METTL4: variants seen among roughly 807,000 people sequenced by gnomAD.
The protein encoded by METTL4 is methyltransferase 4, N6-adenosine.
METTL4 carries 40 observed loss-of-function variants against 54.0 expected under a neutral mutation model. The ratio of observed to expected loss-of-function variants is 0.74; its 90% CI spans 0.58 to 0.96. The LOEUF is 0.96. Ranked by LOEUF, METTL4 falls within the 50% of genes least tolerant of loss-of-function variation. The probability of loss-of-function intolerance (pLI) is 0.00; values close to 1 mark genes in which losing one functional copy is unlikely to be tolerated. For missense variants in METTL4, 525 were observed against 549.0 expected, an observed-to-expected ratio of 0.96 and a Z score of 0.44; for synonymous variants, 169 against 183.8, an observed-to-expected ratio of 0.92 and a Z score of 0.65.
At chr18:2,556,111 G>A (rs73376287) in intron 3 of METTL4, among the ~76,000 whole-genome samples, 9,412 of 152,100 alleles carry the variant, frequency 0.062, 521 homozygotes, top group African/African-American at 0.15. Flanking sequence ...GCCGAGTCAC[G>A]ATCAACACAT....
At chr18:2,551,159 G>A (rs1443370722) in intron 5 of METTL4, among the ~76,000 whole-genome samples, 42 of 103,724 alleles carry the variant, frequency 4.0e-4, no homozygotes, top group African/African-American at 1.2e-3. Flanking sequence ...ACGAGACTCC[G>A]TCTCAAAAAA....
chr18:2,541,745 T>TAAA (rs11434085), intron 8 of METTL4, among the ~76,000 whole-genome samples: 1 of 148,368 alleles, frequency 6.7e-6, no homozygotes, highest in Non-Finnish European at 1.5e-5. Context: ...CAATTAAACT[T>TAAA]AAAAAAAAAA....
intron 2 of METTL4, among the ~76,000 whole-genome samples, chr18:2,565,524 AAAG>A (rs1166511699): frequency 7.9e-5 from 12 of 152,346 alleles, no homozygotes; most frequent in Admixed American, 3.3e-4. Flanking sequence ...AAATTAAAAA[AAAG>A]AAGAATATGC....
chr18:2,546,270 T>C (rs1218568523), intron 6 of METTL4, among the ~76,000 whole-genome samples: 6 of 152,138 alleles, frequency 3.9e-5, no homozygotes, highest in African/African-American at 1.2e-4. Flanking sequence ...GTAAGTACAG[T>C]ACAGTAAAAT....
chr18:2,569,945 T>G (rs1043269934), intron 1 of METTL4, among the ~76,000 whole-genome samples: 2 of 152,210 alleles, frequency 1.3e-5, no homozygotes, highest in African/African-American at 4.8e-5. Flanking sequence ...TCTGCTGTTA[T>G]CATCAGCCTT....
rs114387434 is a variant in METTL4, at chr18:2,562,814, G to A, written c.459+983C>T. On this transcript the variant is annotated intron_variant, in intron 3 of 8. Coordinates refer to ENST00000574538, the MANE Select transcript of METTL4 (RefSeq NM_022840.5). ...TAAATAATGGTAGAGTTCCAGTTTG[G>A]GATGATGAAAAAGTACTAGAGATGA... 8.5e-3 allele frequency among the ~76,000 whole-genome samples: 1,291 copies of A among 152,120 alleles called. 24 individuals are homozygous for A. Among genetic ancestry groups the A allele is most frequent in the African/African-American group, 0.03 (1,234 of 41,500 alleles).
At chr18:2,557,672 T>C (rs1242160894) in intron 3 of METTL4, among the ~76,000 whole-genome samples, 1 of 152,172 alleles carries the variant, frequency 6.6e-6, no homozygotes, top group Non-Finnish European at 1.5e-5. Context: ...GCTGCATGCA[T>C]AGGAAACCCA....
chr18:2,541,022 G>A (rs2071986268), intron 8 of METTL4, among the ~76,000 whole-genome samples: 1 of 152,172 alleles, frequency 6.6e-6, no homozygotes, highest in African/African-American at 2.4e-5. Context: ...TACTTGGATG[G>A]AGTGGAAAAA....
At chr18:2,548,153 A>C (rs534457411) in intron 5 of METTL4, among the ~76,000 whole-genome samples, 100 of 152,268 alleles carry the variant, frequency 6.6e-4, no homozygotes, top group Non-Finnish European at 1.2e-3. Context: ...TGGGTTCTCT[A>C]AAGCCCTCAT....
Position 2,538,855 on chromosome 18 carries a change from T to A in METTL4, c.*145A>T, listed in dbSNP as rs2071948850. 3 of 723,496 alleles carry A rather than the reference T, an allele frequency of 4.1e-6. No individual in the cohort carries two copies. The highest frequency in any genetic ancestry group is 7.0e-4 in the Middle Eastern group (2 of 2,872). 44.8% of individuals were successfully genotyped at this position (723,496 alleles called of 1,614,324 possible). On this transcript the variant is annotated 3_prime_UTR_variant, in exon 9 of 9. Coordinates refer to ENST00000574538, the MANE Select transcript of METTL4 (RefSeq NM_022840.5). ...CATCTTAAAATTACATGAAGGCTAG[T>A]CACTTCTGGTCCCTTACTGAAAAAA...
intron 8 of METTL4, chr18:2,540,684 T>A: frequency 1.0e-6 from 1 of 985,432 alleles, no homozygotes; most frequent in Non-Finnish European, 1.2e-6. Flanking sequence ...GAGAAAGATT[T>A]CCCTAGAGTC....
At chr18:2,552,191 C>CAAAATAAAAT (rs553206325) in intron 5 of METTL4, among the ~76,000 whole-genome samples, 2,675 of 149,614 alleles carry the variant, frequency 0.018, 75 homozygotes, top group African/African-American at 0.062. Flanking sequence ...GACTCCATCT[C>CAAAATAAAAT]AAAATAAAAT....
intron 6 of METTL4, among the ~76,000 whole-genome samples, chr18:2,545,748 C>A (rs1337836364): frequency 6.6e-6 from 1 of 151,948 alleles, no homozygotes. Context: ...ACAGCATATC[C>A]TACAAAAAGT....
Position 2,544,634 on chromosome 18 carries a change from G to C in METTL4, c.1181+19C>G, listed in dbSNP as rs2072043849. On this transcript the variant is annotated intron_variant, in intron 7 of 8. Coordinates refer to ENST00000574538, the MANE Select transcript of METTL4 (RefSeq NM_022840.5). The stretch of plus-strand genomic sequence containing the variant: ...AAAATTAATACATGTATACAATTTT[G>C]AAAAATCACCTTTCCTACCTCAATG... 2.0e-6 allele frequency: 3 copies of C among 1,491,126 alleles called. No homozygotes were observed. Among genetic ancestry groups the C allele is most frequent in the Non-Finnish European group, 2.8e-6 (3 of 1,082,976 alleles). The allele number at this position is 1,491,126 out of a possible 1,614,324, so 92.4% of individuals were successfully genotyped here.
chr18:2,563,940 T>C (rs1269088981), intron 2 of METTL4, 81 bp from the exon 3 acceptor site: 1 of 807,422 alleles, frequency 1.2e-6, no homozygotes, highest in East Asian at 2.7e-5. Flanking sequence ...ATTTATGTCT[T>C]ATATCTGTCT....
rs1319615504 is a variant in METTL4 at position 2,554,485 on chromosome 18, TA to T, written c.829+183del. The T allele has an allele frequency of 7.2e-6, 4 of 555,648 alleles. No individual in the cohort carries two copies. The Admixed American group carries it at 1.1e-4, about 15-fold the overall frequency. 34.4% of individuals were successfully genotyped at this position (555,648 alleles called of 1,614,324 possible). On this transcript the variant is annotated intron_variant, in intron 4 of 8. Coordinates refer to ENST00000574538, the MANE Select transcript of METTL4 (RefSeq NM_022840.5). ...CTTTTGACTCTTTATTCACAATATT[TA>T]TTTTTTTAAAAAAAGCAAAAGTCAG...
chr18:2,550,754 G>T (rs2072141868), intron 5 of METTL4, among the ~76,000 whole-genome samples: 1 of 152,230 alleles, frequency 6.6e-6, no homozygotes, highest in Non-Finnish European at 1.5e-5. Flanking sequence ...AAAAGATACT[G>T]AAGAAGTATG....
chr18:2,547,438 T>C lies in METTL4; in HGVS notation c.991A>G (p.Arg331Gly). The C allele has an allele frequency of 6.2e-7, 1 of 1,612,512 alleles. No individual in the cohort carries two copies. The highest frequency in any genetic ancestry group is 8.5e-7 in the Non-Finnish European group (1 of 1,179,070). Residue 331 changes from arginine (R) to glycine (G), a missense_variant, in exon 6 of 9, where the codon AGA becomes GGA. Arg to Gly is a moderately radical substitution (Grantham distance 125, BLOSUM62 -2). Coordinates refer to ENST00000574538, the MANE Select transcript of METTL4 (RefSeq NM_022840.5). ...NCLLVTWVTN[R>G]QKHLRFIKEE... ...TTTATAAAACGTAGGTGCTTCTGTCTATTGGTCACCCAAGTAACAAGAAGA... is the reference window on the plus strand; with the variant it reads ...TTTATAAAACGTAGGTGCTTCTGTCCATTGGTCACCCAAGTAACAAGAAGA...
At chr18:2,558,438 A>G (rs1245033658) in intron 3 of METTL4, among the ~76,000 whole-genome samples, 1 of 152,224 alleles carries the variant, frequency 6.6e-6, no homozygotes, top group Non-Finnish European at 1.5e-5. Context: ...AAAATACAAA[A>G]TATCAAAATA....
Sources: allele counts gnomAD v4.1 joint callset (sites outside exome capture counted in the v4.1 genomes callset), GRCh38; gene constraint gnomAD v4.1.1; transcripts MANE v1.5; gene names NCBI Gene and HGNC (gene_info 2026-07-23, HGNC 2026-07-21).